Variants in PTPRD observed in about 807,000 individuals in gnomAD.
The protein encoded by PTPRD is protein tyrosine phosphatase receptor type D.
In PTPRD, 34 loss-of-function variants were observed where a neutral mutation model predicts 214.5. That is an observed-to-expected ratio of 0.16 (90% CI 0.12 to 0.21). The LOEUF (loss-of-function observed/expected upper bound fraction) is 0.21, where lower values mean the gene tolerates loss of function less well. Ranked by LOEUF, PTPRD falls within the 10% of genes least tolerant of loss-of-function variation. PTPRD has a pLI of 1.00. For synonymous variants in PTPRD, 1,128 were observed against 845.7 expected, an observed-to-expected ratio of 1.33 and a Z score of -5.79; for missense variants, 2,545 against 2,398.7, an observed-to-expected ratio of 1.06 and a Z score of -1.27.
chr9:9,311,308 G>A, intron 9 of PTPRD, among the ~76,000 whole-genome samples: 1 of 152,070 alleles, frequency 6.6e-6, no homozygotes, highest in East Asian at 1.9e-4. Context: ...ATTATATTAT[G>A]TTGTCATATA....
At chr9:10,308,662 G>A (rs1173732344) in intron 3 of PTPRD, among the ~76,000 whole-genome samples, 1 of 151,996 alleles carries the variant, frequency 6.6e-6, no homozygotes, top group Non-Finnish European at 1.5e-5. Flanking sequence ...GTATAGTCAT[G>A]TTAACAATAT....
intron 8 of PTPRD, among the ~76,000 whole-genome samples, chr9:9,398,304 T>A (rs1333205900): frequency 6.6e-6 from 1 of 152,006 alleles, no homozygotes; most frequent in Non-Finnish European, 1.5e-5. Context: ...ATTACAGTAT[T>A]TATCAGATTC....
At chr9:9,301,934 C>T (rs1444290100) in intron 9 of PTPRD, among the ~76,000 whole-genome samples, 4 of 151,820 alleles carry the variant, frequency 2.6e-5, no homozygotes, top group African/African-American at 9.7e-5. Context: ...GTTTAAGATA[C>T]GCATTTGTTT....
intron 44 of PTPRD, among the ~76,000 whole-genome samples, chr9:8,323,759 G>A (rs1408154743): frequency 6.6e-6 from 1 of 152,128 alleles, no homozygotes; most frequent in Non-Finnish European, 1.5e-5. Flanking sequence ...AAGATGCTGT[G>A]AACACTGTGG....
intron 36 of PTPRD, among the ~76,000 whole-genome samples, chr9:8,395,179 T>C (rs2090771338): frequency 6.6e-6 from 1 of 152,172 alleles, no homozygotes; most frequent in South Asian, 2.1e-4. Context: ...TTGTTCTTTG[T>C]TGTAAGACAG....
At chr9:9,403,974 C>A (rs2072088321) in intron 8 of PTPRD, among the ~76,000 whole-genome samples, 1 of 151,968 alleles carries the variant, frequency 6.6e-6, no homozygotes, top group Non-Finnish European at 1.5e-5. Flanking sequence ...CAGAACAAGC[C>A]AGCCATGCAA....
chr9:10,215,115 C>G (rs2099535378), intron 3 of PTPRD, among the ~76,000 whole-genome samples: 2 of 151,846 alleles, frequency 1.3e-5, no homozygotes, highest in African/African-American at 4.8e-5. Context: ...TTTTCTTTCT[C>G]AAAATTTTAA....
chr9:10,399,707 T>C (rs981579709), intron 2 of PTPRD, among the ~76,000 whole-genome samples: 2 of 151,920 alleles, frequency 1.3e-5, no homozygotes, highest in African/African-American at 4.8e-5. Context: ...TTTTAAAAAC[T>C]GATCAAGAAT....
Position 8,677,567 on chromosome 9 carries a change from G to A in PTPRD, c.65-40723C>T, listed in dbSNP as rs115293223. 7.5e-3 allele frequency among the ~76,000 whole-genome samples: 1,142 copies of A among 152,180 alleles called. 8 individuals are homozygous for A. Among genetic ancestry groups the A allele is most frequent in the Middle Eastern group, 0.027 (8 of 294 alleles). On this transcript the variant is annotated intron_variant, in intron 12 of 45. Transcript: ENST00000381196. ...TGAGGATCAAACAACTACCAATCAGGTATTATCTGAGTGATGAAATAATAA... is the reference window on the plus strand; with the variant it reads ...TGAGGATCAAACAACTACCAATCAGATATTATCTGAGTGATGAAATAATAA...
chr9:9,825,948 T>C (rs902423218), intron 5 of PTPRD, among the ~76,000 whole-genome samples: 1 of 151,696 alleles, frequency 6.6e-6, no homozygotes, highest in Non-Finnish European at 1.5e-5. Flanking sequence ...TACTAATAAT[T>C]CCAGGTTGAT....
At chr9:8,630,564 C>T (rs983723420) in intron 14 of PTPRD, among the ~76,000 whole-genome samples, 3 of 151,728 alleles carry the variant, frequency 2.0e-5, no homozygotes, top group African/African-American at 7.3e-5. Context: ...ATCTAAAATA[C>T]TTTTGAATTT....
chr9:9,279,169 G>C (rs898490485), intron 9 of PTPRD, among the ~76,000 whole-genome samples: 2 of 150,546 alleles, frequency 1.3e-5, no homozygotes, highest in Non-Finnish European at 3.0e-5. Context: ...CAGGTGTTAA[G>C]ATAATTTTGT....
At chr9:10,228,489 G>T (rs2099596650) in intron 3 of PTPRD, among the ~76,000 whole-genome samples, 1 of 151,920 alleles carries the variant, frequency 6.6e-6, no homozygotes, top group Middle Eastern at 3.4e-3. Flanking sequence ...ACTATAATTA[G>T]CTCTAACCAT....
intron 11 of PTPRD, among the ~76,000 whole-genome samples, chr9:8,939,933 A>G (rs943154374): frequency 6.6e-6 from 1 of 151,956 alleles, no homozygotes; most frequent in Non-Finnish European, 1.5e-5. Flanking sequence ...ATAAATTAAC[A>G]TGTATATTTT....
intron 8 of PTPRD, among the ~76,000 whole-genome samples, chr9:9,492,326 TAA>T (rs67958740): frequency 0.098 from 13,159 of 134,744 alleles, 680 homozygotes; most frequent in Non-Finnish European, 0.13. Flanking sequence ...TTACTAAACA[TAA>T]AAAAAAAAAA....
chr9:9,679,701 T>C (rs1209390864), intron 7 of PTPRD, among the ~76,000 whole-genome samples: 3 of 151,788 alleles, frequency 2.0e-5, no homozygotes, highest in Non-Finnish European at 4.4e-5. Context: ...ATTAACAGAG[T>C]CAAATTTTAA....
intron 14 of PTPRD, among the ~76,000 whole-genome samples, chr9:8,627,280 G>T (rs529539217): frequency 6.7e-6 from 1 of 149,790 alleles, no homozygotes; most frequent in Non-Finnish European, 1.5e-5. Flanking sequence ...ACTGTCACAC[G>T]TACTGCAGCA....
At chr9:9,095,789 G>A (rs541579111) in intron 10 of PTPRD, among the ~76,000 whole-genome samples, 1 of 152,102 alleles carries the variant, frequency 6.6e-6, no homozygotes, top group Non-Finnish European at 1.5e-5. Context: ...ACTTTGTTAA[G>A]ATATTTTCAT....
chr9:8,617,189 T>C (rs2095641124), intron 14 of PTPRD, among the ~76,000 whole-genome samples: 1 of 152,038 alleles, frequency 6.6e-6, no homozygotes, highest in South Asian at 2.1e-4. Flanking sequence ...AGTAAATCAA[T>C]GAGTAATAAC....
Sources: allele counts gnomAD v4.1 joint callset (sites outside exome capture counted in the v4.1 genomes callset), GRCh38; gene constraint gnomAD v4.1.1; transcripts MANE v1.5; gene names NCBI Gene and HGNC (gene_info 2026-07-23, HGNC 2026-07-21).